Variants in VAV3 observed in about 807,000 individuals in gnomAD.
The protein encoded by VAV3 is vav guanine nucleotide exchange factor 3.
A neutral mutation model predicts 131.2 loss-of-function variants in VAV3; 94 were observed. The ratio of observed to expected loss-of-function variants is 0.72; its 90% CI spans 0.61 to 0.85. The LOEUF (loss-of-function observed/expected upper bound fraction) is 0.85, where lower values mean the gene tolerates loss of function less well. Among genes scored for constraint, VAV3 ranks in the 40% least tolerant of loss-of-function variants. VAV3 has a pLI of 0.00. For missense variants in VAV3, 939 were observed against 1,002.7 expected (o/e 0.94, Z 0.86); for synonymous variants, 349 against 342.0 (o/e 1.02, Z -0.22).
chr1:107,874,211 C>T (rs1281318968), intron 2 of VAV3, among the ~76,000 whole-genome samples: 2 of 152,058 alleles, frequency 1.3e-5, no homozygotes, highest in Non-Finnish European at 2.9e-5. Flanking sequence ...GGTTTATGTC[C>T]ACTCACTTCA....
At chr1:107,904,087 T>C (rs1671994733) in intron 1 of VAV3, among the ~76,000 whole-genome samples, 1 of 152,166 alleles carries the variant, frequency 6.6e-6, no homozygotes, top group Non-Finnish European at 1.5e-5. Flanking sequence ...TCATTTCCTC[T>C]TCCTCCTCCA....
chr1:107,578,443 G>C (rs1244746499), intron 25 of VAV3, among the ~76,000 whole-genome samples: 1 of 152,118 alleles, frequency 6.6e-6, no homozygotes, highest in Non-Finnish European at 1.5e-5. Context: ...TTAGAGGACA[G>C]GATGCCACCT....
At position 107,757,151 on chromosome 1, in the gene VAV3, A is replaced by ATGTG. The variant is rs1570905785; in HGVS notation, c.1086+109_1086+110insCACA. 6 of 579,460 alleles carry ATGTG rather than the reference A, an allele frequency of 1.0e-5. No homozygotes were observed. The East Asian group carries it at 1.9e-4, about 18-fold the overall frequency. 35.9% of individuals were successfully genotyped at this position (579,460 alleles called of 1,614,324 possible). A position where few individuals can be genotyped will look rare whatever the true frequency, so the allele number is the denominator to read the frequency against. On this transcript the variant is annotated intron_variant, in intron 11 of 26. Transcript: ENST00000370056. ...TATGTTTGTGTATATATATGTGTGT[A>ATGTG]TATGTGTGTGTGTGTGTGTGTGTGT... is the stretch of plus-strand genomic sequence containing the variant.
intron 15 of VAV3, among the ~76,000 whole-genome samples, chr1:107,715,780 GA>G (rs1661056947): frequency 6.6e-6 from 1 of 152,098 alleles, no homozygotes; most frequent in Non-Finnish European, 1.5e-5. Flanking sequence ...ATCAATTCTA[GA>G]GAATTTGGAT....
At position 107,875,067 on chromosome 1, in the gene VAV3, T is replaced by C. The variant is rs201825987; in HGVS notation, c.205-50A>G. 7.0e-4 allele frequency: 1,028 copies of C among 1,462,052 alleles called. 1 individual carries two copies. Among genetic ancestry groups the C allele is most frequent in the Non-Finnish European group, 9.5e-4 (994 of 1,042,800 alleles). 90.6% of individuals were successfully genotyped at this position (1,462,052 alleles called of 1,614,324 possible). The stretch of plus-strand genomic sequence containing the variant: ...GCATAAAGTTAATTATTCTGAATGC[T>C]ATCCACCCTCTGTAACACTCAAGAC... On this transcript the variant is annotated intron_variant, in intron 1 of 26. Coordinates refer to ENST00000370056, the MANE Select transcript of VAV3 (RefSeq NM_006113.5).
rs148341091 is a variant in VAV3, at chr1:107,841,421, G to A, written c.321+33480C>T. On this transcript the variant is annotated intron_variant, in intron 2 of 26. Coordinates refer to ENST00000370056, the MANE Select transcript of VAV3 (RefSeq NM_006113.5). ...CAGAAGGCTGAGGAGAAACAGTAGC[G>A]GTTGCTATTTTGTTTCAAATGTTCA... is the stretch of plus-strand genomic sequence containing the variant. Among the ~76,000 whole-genome samples the A allele has an allele frequency of 3.4e-3, 524 of 152,178 alleles. 3 individuals are homozygous for A. Among genetic ancestry groups the A allele is most frequent in the African/African-American group, 0.012 (494 of 41,520 alleles).
At chr1:107,814,175 T>A (rs148123235) in intron 2 of VAV3, among the ~76,000 whole-genome samples, 29 of 152,278 alleles carry the variant, frequency 1.9e-4, no homozygotes, top group Admixed American at 1.7e-3. Context: ...ACCCAGTCAG[T>A]AGCGAAAACT....
At chr1:107,888,815 T>G (rs1671162534) in intron 1 of VAV3, among the ~76,000 whole-genome samples, 1 of 152,194 alleles carries the variant, frequency 6.6e-6, no homozygotes, top group Admixed American at 6.5e-5. Context: ...ACTGTTTCTC[T>G]GTACTAAATT....
At chr1:107,959,903 T>C (rs1349068085) in intron 1 of VAV3, among the ~76,000 whole-genome samples, 1 of 152,156 alleles carries the variant, frequency 6.6e-6, no homozygotes, top group Non-Finnish European at 1.5e-5. Context: ...TTTCAGTAAA[T>C]GGGAACTTCA....
intron 22 of VAV3, among the ~76,000 whole-genome samples, chr1:107,605,873 A>C (rs1051348345): frequency 1.3e-5 from 2 of 152,206 alleles, no homozygotes; most frequent in African/African-American, 2.4e-5. Flanking sequence ...TCCGGTCCCA[A>C]GCATTTTGAA....
At chr1:107,799,858 C>T (rs1248499085) in intron 2 of VAV3, among the ~76,000 whole-genome samples, 1 of 152,122 alleles carries the variant, frequency 6.6e-6, no homozygotes, top group East Asian at 1.9e-4. Flanking sequence ...CCCTCCTTCC[C>T]TTCCTGGACT....
chr1:107,958,176 A>G (rs1324102868), intron 1 of VAV3, among the ~76,000 whole-genome samples: 1 of 152,204 alleles, frequency 6.6e-6, no homozygotes, highest in Non-Finnish European at 1.5e-5. Context: ...AAGACTAAGG[A>G]ATGATATTAT....
At chr1:107,612,540 T>C (rs1285225394) in intron 21 of VAV3, among the ~76,000 whole-genome samples, 1 of 152,126 alleles carries the variant, frequency 6.6e-6, no homozygotes, top group Non-Finnish European at 1.5e-5. Flanking sequence ...TTTTAAAATC[T>C]TTTCCTAAGT....
At chr1:107,801,552 G>A (rs1438457150) in intron 2 of VAV3, among the ~76,000 whole-genome samples, 1 of 152,136 alleles carries the variant, frequency 6.6e-6, no homozygotes, top group Non-Finnish European at 1.5e-5. Flanking sequence ...TGTAACAATA[G>A]CTGAGTGTTG....
intron 20 of VAV3, among the ~76,000 whole-genome samples, chr1:107,631,631 C>CA (rs1654495023): frequency 9.3e-6 from 1 of 107,148 alleles, no homozygotes; most frequent in South Asian, 4.2e-4. Flanking sequence ...TCCCCCCTCC[C>CA]CCCACCCCAC....
intron 2 of VAV3, among the ~76,000 whole-genome samples, chr1:107,825,613 T>TCAAA (rs1667977076): frequency 6.6e-6 from 1 of 152,110 alleles, no homozygotes; most frequent in Non-Finnish European, 1.5e-5. Flanking sequence ...GTCAAACTGG[T>TCAAA]CTACTCCCCT....
At chr1:107,614,842 G>C (rs1653021879) in intron 21 of VAV3, among the ~76,000 whole-genome samples, 1 of 152,044 alleles carries the variant, frequency 6.6e-6, no homozygotes, top group Admixed American at 6.6e-5. Context: ...TTATTCAAGA[G>C]GATGTAAACA....
At chr1:107,824,849 A>C (rs72981458) in intron 2 of VAV3, among the ~76,000 whole-genome samples, 302 of 152,262 alleles carry the variant, frequency 2.0e-3, no homozygotes, top group African/African-American at 7.1e-3. Context: ...ATAATATAAA[A>C]ATATAAAAAG....
At chr1:107,876,832 G>T (rs1670523422) in intron 1 of VAV3, among the ~76,000 whole-genome samples, 1 of 152,054 alleles carries the variant, frequency 6.6e-6, no homozygotes, top group African/African-American at 2.4e-5. Context: ...TTAAAAAAAT[G>T]GAAAAAAACC....
Sources: gnomAD v4.1 joint callset for allele counts (sites outside exome capture counted in the v4.1 genomes callset) on GRCh38, gnomAD v4.1.1 for gene constraint, MANE v1.5 for transcripts, NCBI Gene and HGNC (gene_info 2026-07-23, HGNC 2026-07-21) for gene names.